The following VEZT variants were observed in gnomAD, a reference collection of about 807,000 sequenced individuals.
The protein encoded by VEZT is vezatin, adherens junctions transmembrane protein.
A neutral mutation model predicts 79.9 loss-of-function variants in VEZT; 39 were observed. The ratio of observed to expected loss-of-function variants is 0.49; its 90% CI spans 0.38 to 0.64. The LOEUF (loss-of-function observed/expected upper bound fraction) is 0.64, where lower values mean the gene tolerates loss of function less well. Ranked by LOEUF, VEZT falls within the 30% of genes least tolerant of loss-of-function variation. The pLI, the probability that VEZT is intolerant of heterozygous loss-of-function variation, is 0.00. For missense variants in VEZT, 837 were observed against 893.1 expected (o/e 0.94, Z 0.80); for synonymous variants, 325 against 327.6 (o/e 0.99, Z 0.09).
At chr12:95,266,024 G>T (rs2065462785) in intron 4 of VEZT, among the ~76,000 whole-genome samples, 1 of 152,068 alleles carries the variant, frequency 6.6e-6, no homozygotes, top group Non-Finnish European at 1.5e-5. Context: ...GCCTTTTGTT[G>T]GTTCTGCCCA....
At chr12:95,236,850 G>C (rs558864018) in intron 1 of VEZT, among the ~76,000 whole-genome samples, 1 of 152,240 alleles carries the variant, frequency 6.6e-6, no homozygotes, top group East Asian at 1.9e-4. Flanking sequence ...GTCCCCCAAA[G>C]TGCTAGGATT....
chr12:95,239,392 A>T (rs2060591971), intron 1 of VEZT, among the ~76,000 whole-genome samples: 1 of 152,216 alleles, frequency 6.6e-6, no homozygotes, highest in Non-Finnish European at 1.5e-5. Context: ...CTAGTGATAA[A>T]GGAGTAAATG....
chr12:95,239,633 G>C (rs954279249), intron 1 of VEZT, among the ~76,000 whole-genome samples: 6 of 150,912 alleles, frequency 4.0e-5, no homozygotes, highest in Non-Finnish European at 8.9e-5. Context: ...AGTGTGAAGA[G>C]CTCGGAGGGT....
At chr12:95,250,139 T>C (rs894036631) in intron 1 of VEZT, among the ~76,000 whole-genome samples, 8 of 150,522 alleles carry the variant, frequency 5.3e-5, no homozygotes, top group Non-Finnish European at 1.2e-4. Context: ...TATGTATACA[T>C]GTGCCATGCT....
At chr12:95,258,703 G>A (rs2063861686) in intron 3 of VEZT, among the ~76,000 whole-genome samples, 1 of 151,894 alleles carries the variant, frequency 6.6e-6, no homozygotes, top group Non-Finnish European at 1.5e-5. Context: ...ATCCTTTATA[G>A]CAACCATGAT....
intron 5 of VEZT, among the ~76,000 whole-genome samples, chr12:95,268,267 G>A (rs911417330): frequency 3.9e-5 from 6 of 152,092 alleles, no homozygotes; most frequent in African/African-American, 7.2e-5. Flanking sequence ...AGGCCGAGGC[G>A]GGCGGATCAC....
intron 1 of VEZT, among the ~76,000 whole-genome samples, chr12:95,239,711 G>C (rs2060634232): frequency 1.3e-5 from 2 of 152,154 alleles, no homozygotes. Flanking sequence ...CAGCACTTTA[G>C]GAGGCCAAGG....
chr12:95,234,438 C>T (rs183960361), intron 1 of VEZT, among the ~76,000 whole-genome samples: 91 of 151,908 alleles, frequency 6.0e-4, no homozygotes, highest in African/African-American at 2.1e-3. Flanking sequence ...TACAGGCATG[C>T]GCCACCACCC....
At chr12:95,219,011 A>G (rs2057149675) in intron 1 of VEZT, among the ~76,000 whole-genome samples, 1 of 152,172 alleles carries the variant, frequency 6.6e-6, no homozygotes, top group Non-Finnish European at 1.5e-5. Flanking sequence ...GAAGCAGTGG[A>G]AAATGTGGCC....
chr12:95,286,345 T>C (rs1219266496), intron 8 of VEZT: 1 of 456,448 alleles, frequency 2.2e-6, no homozygotes, highest in Non-Finnish European at 4.3e-6. Context: ...TAGTCTTTCT[T>C]CATAAAAAGC....
intron 7 of VEZT, among the ~76,000 whole-genome samples, chr12:95,278,094 T>C (rs988660540): frequency 1.3e-5 from 2 of 152,210 alleles, no homozygotes; most frequent in African/African-American, 4.8e-5. Context: ...GAGCAAATCA[T>C]TGTTTCTGTG....
chr12:95,221,944 T>C (rs1306205583), intron 1 of VEZT, among the ~76,000 whole-genome samples: 1 of 152,204 alleles, frequency 6.6e-6, no homozygotes, highest in Non-Finnish European at 1.5e-5. Flanking sequence ...GTATTACAAA[T>C]AATCTAGAGA....
chr12:95,282,237 T>TG, intron 7 of VEZT, 76 bp from the exon 8 acceptor site: 3 of 1,329,912 alleles, frequency 2.3e-6, no homozygotes, highest in Middle Eastern at 2.3e-4. Context: ...GAAGTTAAGA[T>TG]AAACAAATTT....
At chr12:95,239,957 AGAGAGAGAGAGAGAGAGAGAGAGAG>A (rs2060686597) in intron 1 of VEZT, among the ~76,000 whole-genome samples, 2 of 86,722 alleles carry the variant, frequency 2.3e-5, no homozygotes, top group African/African-American at 1.6e-4. Flanking sequence ...AAAGAGAGAG[AGAGAGAGAGAGAGAGAGAGAGAGAG>A]GAGAGAGAGA....
chr12:95,240,002 GAGAGAGAA>G (rs1375303765), intron 1 of VEZT, among the ~76,000 whole-genome samples: 1 of 140,026 alleles, frequency 7.1e-6, no homozygotes, highest in Non-Finnish European at 1.5e-5. Flanking sequence ...AGAGGAGACA[GAGAGAGAA>G]AGAGAGAAAG....
At chr12:95,238,587 T>C (rs1206237345) in intron 1 of VEZT, among the ~76,000 whole-genome samples, 1 of 152,224 alleles carries the variant, frequency 6.6e-6, no homozygotes, top group African/African-American at 2.4e-5. Flanking sequence ...TTCAGTAGGC[T>C]ACTTTCCTGA....
At chr12:95,242,640 G>A (rs1023363868) in intron 1 of VEZT, among the ~76,000 whole-genome samples, 7 of 152,276 alleles carry the variant, frequency 4.6e-5, no homozygotes, top group Non-Finnish European at 7.4e-5. Context: ...TTGGGAGGCT[G>A]AGGCAGGCAG....
Position 95,294,255 on chromosome 12 carries a change from A to T in VEZT, c.1523-17A>T. 1 of 1,557,764 alleles carries T rather than the reference A, an allele frequency of 6.4e-7. No homozygotes were observed. The highest frequency in any genetic ancestry group is 8.7e-7 in the Non-Finnish European group (1 of 1,146,916). ...CTGTTTCTTATCTTTATTCCCATCT[A>T]TTCCCGTTTTTTAAAGGCAAGCCTG... On this transcript the variant is annotated splice_polypyrimidine_tract_variant and intron_variant, in intron 9 of 11. Transcript: ENST00000436874.
intron 1 of VEZT, among the ~76,000 whole-genome samples, chr12:95,240,058 A>C (rs1415744610): frequency 7.2e-6 from 1 of 139,832 alleles, no homozygotes. Context: ...GGAAGGAAGG[A>C]AGGAAGGAAG....
Sources: allele counts gnomAD v4.1 joint callset (sites outside exome capture counted in the v4.1 genomes callset), GRCh38; gene constraint gnomAD v4.1.1; transcripts MANE v1.5; gene names NCBI Gene and HGNC (gene_info 2026-07-23, HGNC 2026-07-21).